PLEKHN1: variants seen among roughly 807,000 people sequenced by gnomAD.
PLEKHN1 encodes pleckstrin homology domain containing N1.
In PLEKHN1, 68 loss-of-function variants were observed where a neutral mutation model predicts 72.8. The observed-to-expected ratio is 0.93, with a 90% CI of 0.77 to 1.14. PLEKHN1 has a LOEUF of 1.14. Ranked by LOEUF, PLEKHN1 falls within the 50% of genes most tolerant of loss-of-function variation. The pLI is 0.00. For missense variants in PLEKHN1, 1,015 were observed against 840.5 expected (o/e 1.21, Z -2.57); for synonymous variants, 454 against 371.6 (o/e 1.22, Z -2.55).
intron 8 of PLEKHN1, 108 bp from the exon 9 acceptor site, chr1:971,967 C>A (rs984377884): frequency 4.5e-6 from 5 of 1,108,452 alleles, no homozygotes; most frequent in African/African-American, 1.6e-5. Flanking sequence ...CGGTGCCCAG[C>A]TCTCCAAGTA....
At chr1:971,691 CGT>C (rs1425371335) in intron 8 of PLEKHN1, among the ~76,000 whole-genome samples, 3 of 152,190 alleles carry the variant, frequency 2.0e-5, no homozygotes, top group Non-Finnish European at 4.4e-5. Flanking sequence ...GCCCGTGAGG[CGT>C]GTGTGTGCAC....
chr1:969,542 G>A (rs1240394626), intron 2 of PLEKHN1, among the ~76,000 whole-genome samples: 1 of 151,904 alleles, frequency 6.6e-6, no homozygotes, highest in Non-Finnish European at 1.5e-5. Context: ...GTGTGTATGT[G>A]CACGTGTGTA....
intron 8 of PLEKHN1, 155 bp downstream of exon 8, chr1:971,559 C>A: frequency 1.4e-6 from 1 of 706,116 alleles, no homozygotes; most frequent in South Asian, 1.7e-5. Flanking sequence ...GTCTGGTCTC[C>A]GCTGTGACAT....
rs772958793 is a variant in PLEKHN1, at chr1:973,230, C to G, written c.1197C>G (p.Thr399=). The change falls in exon 12 of 16, where the codon ACC becomes ACG. Residue 399 remains threonine, a synonymous_variant. Coordinates refer to ENST00000379410, the MANE Select transcript of PLEKHN1 (RefSeq NM_032129.3). Reference sequence around the variant, plus strand: ...GTGCCAGCATTGGCCGACGGAGGACCGAGCTGAGACGCAGTGGCAGCAGCC... The same window carrying G: ...GTGCCAGCATTGGCCGACGGAGGACGGAGCTGAGACGCAGTGGCAGCAGCC... ...SDRASIGRRR[T]ELRRSGSSRS... is the part of the protein sequence containing the mutation. The G allele has an allele frequency of 2.6e-6, 4 of 1,541,754 alleles. No individual in the cohort carries two copies. The highest frequency in any genetic ancestry group is 2.4e-5 in the South Asian group (2 of 83,932).
chr1:971,074 C>A, intron 6 of PLEKHN1, 39 bp from the exon 7 acceptor site: 1 of 1,580,854 alleles, frequency 6.3e-7, no homozygotes, highest in Non-Finnish European at 8.6e-7. Context: ...CTCCTCCTCA[C>A]AGGGGTCCTG....
In PLEKHN1 at chr1:974,043, C is replaced by A; in HGVS notation, c.1645C>A (p.Pro549Thr). ...TGGGGGGCCGCAGCCCCCAGACGCC[C>A]CTCAGCTTGTGAGTAGCAGCCCCCA... The part of the protein sequence containing the change: ...KDGGPQPPDA[P>T]QLVSSAREGS... Residue 549 changes from proline to threonine, a missense_variant, in exon 14 of 16, where the codon CCT becomes ACT. Physicochemically the swap from Pro to Thr is conservative, Grantham distance 38. Transcript: ENST00000379410. 6.3e-7 allele frequency: 1 copy of A among 1,584,010 alleles called. No individual in the cohort carries two copies. Among genetic ancestry groups the A allele is most frequent in the East Asian group, 2.3e-5 (1 of 43,468 alleles).
intron 8 of PLEKHN1, 182 bp downstream of exon 8, chr1:971,586 GCCCTGAGGTTCTCA>G (rs1557649180): frequency 6.3e-6 from 4 of 635,782 alleles, no homozygotes; most frequent in South Asian, 3.7e-5. Flanking sequence ...GCCCCTGCCC[GCCCTGAGGTTCTCA>G]CCCTGAGGTT....
intron 8 of PLEKHN1, 23 bp downstream of exon 8, chr1:971,427 C>T: frequency 6.4e-7 from 1 of 1,553,068 alleles, no homozygotes; most frequent in South Asian, 1.2e-5. Flanking sequence ...CCACTGTGGG[C>T]CCGCCCCAGG....
intron 1 of PLEKHN1, 29 bp from the exon 2 acceptor site, chr1:966,675 A>G: frequency 2.5e-6 from 4 of 1,580,298 alleles, no homozygotes; most frequent in Non-Finnish European, 2.6e-6. Context: ...TCCGGGGCCA[A>G]GCCACGAGAC....
At position 970,872 on chromosome 1, in the gene PLEKHN1, C is replaced by G. The variant is rs760465738; in HGVS notation, c.485-7C>G. ...GTATGTGTGTGCCCTCTCTGCCCTGCCCGCAGGCCCACTGCCCGCACCCCT... is the reference window on the plus strand; with the variant it reads ...GTATGTGTGTGCCCTCTCTGCCCTGGCCGCAGGCCCACTGCCCGCACCCCT... On this transcript the variant is annotated splice_region_variant and splice_polypyrimidine_tract_variant and intron_variant, in intron 5 of 15. Coordinates refer to ENST00000379410, the MANE Select transcript of PLEKHN1 (RefSeq NM_032129.3). The surrounding 1 kb of genome is among the most constrained non-coding windows in gnomAD (Gnocchi z 4.2). 2 of 1,611,620 alleles carry G rather than the reference C, an allele frequency of 1.2e-6. No homozygotes were observed. Among genetic ancestry groups the G allele is most frequent in the Admixed American group, 3.3e-5 (2 of 59,996 alleles).
intron 14 of PLEKHN1, 101 bp from the exon 15 acceptor site, chr1:974,215 G>A: frequency 1.3e-6 from 2 of 1,563,310 alleles, no homozygotes; most frequent in South Asian, 1.1e-5. Context: ...GACTGGGGAG[G>A]GAGAGCAGGG....
At position 973,864 on chromosome 1, in the gene PLEKHN1, C is replaced by G; in HGVS notation, c.1466C>G (p.Pro489Arg). Residue 489 changes from proline (P) to arginine (R), a missense_variant, in exon 14 of 16, where the codon CCC becomes CGC. Coordinates refer to ENST00000379410, the MANE Select transcript of PLEKHN1 (RefSeq NM_032129.3). Reference protein sequence around the residue: ...FLSAMQSARGPTPSSPLPSVP... With the variant: ...FLSAMQSARGRTPSSPLPSVP... ...AGTGCCATGCAGAGTGCACGTGGAC[C>G]CACGCCCTCGAGCCCACTCCCCTCG... 6.2e-7 allele frequency: 1 copy of G among 1,610,554 alleles called. No individual in the cohort carries two copies. Among genetic ancestry groups the G allele is most frequent in the Non-Finnish European group, 8.5e-7 (1 of 1,179,854 alleles).
At chr1:969,773 A>G (rs1053616318) in intron 2 of PLEKHN1, among the ~76,000 whole-genome samples, 4 of 150,552 alleles carry the variant, frequency 2.7e-5, no homozygotes, top group Admixed American at 6.6e-5. Flanking sequence ...GTGTGTATGC[A>G]TGTGTGCGTG....
Position 974,350 on chromosome 1 carries a change from G to A in PLEKHN1, c.1688G>A (p.Trp563Ter). The A allele has an allele frequency of 6.2e-7, 1 of 1,613,012 alleles. No individual in the cohort carries two copies. The highest frequency in any genetic ancestry group is 1.1e-5 in the South Asian group (1 of 91,082). ...SSAREGSPEP[W>*]LPLTDGRSPR... ...GCCAGGGAAGGTTCGCCCGAACCCT[G>A]GCTGCCTCTGACAGGTGAGTAAGGA... The change falls in exon 15 of 16, where the codon TGG becomes TAG. Residue 563 changes from tryptophan (W) to a stop codon, truncating the protein, a stop_gained. Coordinates refer to ENST00000379410, the MANE Select transcript of PLEKHN1 (RefSeq NM_032129.3). LOFTEE classifies it low-confidence loss of function (END_TRUNC).
chr1:972,028 C>T, intron 8 of PLEKHN1, 47 bp from the exon 9 acceptor site: 1 of 1,577,318 alleles, frequency 6.3e-7, no homozygotes, highest in Non-Finnish European at 8.7e-7. Context: ...AGGCGGGGCC[C>T]CGGGGCTGCC....
rs1315400779 is a variant in PLEKHN1 at position 972,961 on chromosome 1, C to G, written c.1103C>G (p.Pro368Arg). 5.7e-6 allele frequency: 9 copies of G among 1,585,142 alleles called. No individual in the cohort carries two copies. Among genetic ancestry groups the G allele is most frequent in the Non-Finnish European group, 1.7e-6 (2 of 1,165,192 alleles). ...PPSTRTSHSL[P>R]ESSVPSTVGC... ...TCCACCCGCACCAGCCACTCCCTGC[C>G]TGAGTCCTCAGTGCCATCCACCGTG... Residue 368 changes from proline to arginine, a missense_variant, in exon 11 of 16, where the codon CCT becomes CGT. Transcript: ENST00000379410.
rs1643533911 is a variant in PLEKHN1 at position 974,891 on chromosome 1, G to GT, written c.*317dup. The GT allele has an allele frequency of 2.5e-6, 1 of 399,396 alleles. No homozygotes were observed. The highest frequency in any genetic ancestry group is 4.1e-5 in the Admixed American group (1 of 24,672). 24.7% of individuals were successfully genotyped at this position (399,396 alleles called of 1,614,324 possible). A position where few individuals can be genotyped will look rare whatever the true frequency, so the allele number is the denominator to read the frequency against. The stretch of plus-strand genomic sequence containing the variant: ...GAGTCAGGGAGGAGACTCGCTGGGA[G>GT]TGGGAGGGCAGCACGGGCGTGAAGG... On this transcript the variant is annotated 3_prime_UTR_variant, in exon 16 of 16. Transcript: ENST00000379410.
chr1:974,115 G>T (rs1009673296), intron 14 of PLEKHN1, 64 bp downstream of exon 14: 41 of 1,509,542 alleles, frequency 2.7e-5, no homozygotes, highest in Non-Finnish European at 2.9e-5. Context: ...CTGGTGTGGG[G>T]CCTCTTGGGA....
At chr1:972,001 G>C in intron 8 of PLEKHN1, 74 bp from the exon 9 acceptor site, 3 of 1,412,418 alleles carry the variant, frequency 2.1e-6, no homozygotes, top group Non-Finnish European at 2.9e-6. Flanking sequence ...TGGAGGGCAA[G>C]AGGGTGGGAT....
Sources: allele counts gnomAD v4.1 joint callset (sites outside exome capture counted in the v4.1 genomes callset), GRCh38; gene constraint gnomAD v4.1.1; non-coding constraint Gnocchi (gnomAD v3.1); transcripts MANE v1.5; gene names NCBI Gene and HGNC (gene_info 2026-07-23, HGNC 2026-07-21).